SLCO3A1: variants seen among roughly 807,000 people sequenced by gnomAD.
SLCO3A1 encodes the protein solute carrier organic anion transporter family member 3A1.
A neutral mutation model predicts 63.1 loss-of-function variants in SLCO3A1; 27 were observed. That is an observed-to-expected ratio of 0.43 (90% CI 0.32 to 0.59). The LOEUF (loss-of-function observed/expected upper bound fraction) is 0.59. SLCO3A1 is among the 20% of genes least tolerant of loss of function. The probability of loss-of-function intolerance (pLI) is 0.09; values close to 1 mark genes in which losing one functional copy is unlikely to be tolerated. For missense variants in SLCO3A1, 773 were observed against 945.8 expected, an observed-to-expected ratio of 0.82 and a Z score of 2.40; for synonymous variants, 473 against 409.9, an observed-to-expected ratio of 1.15 and a Z score of -1.86.
intron 2 of SLCO3A1, among the ~76,000 whole-genome samples, chr15:91,944,675 C>T (rs1289555021): frequency 1.3e-5 from 2 of 152,174 alleles, no homozygotes; most frequent in Admixed American, 1.3e-4. Flanking sequence ...CCACTCTCCC[C>T]CGAGATGCTT....
At chr15:91,989,724 A>G (rs888850060) in intron 2 of SLCO3A1, among the ~76,000 whole-genome samples, 2 of 152,228 alleles carry the variant, frequency 1.3e-5, no homozygotes, top group African/African-American at 4.8e-5. Flanking sequence ...TTAGCTACTA[A>G]TAAAAAGCAA....
At chr15:91,935,027 C>T (rs1248428856) in intron 2 of SLCO3A1, among the ~76,000 whole-genome samples, 1 of 152,196 alleles carries the variant, frequency 6.6e-6, no homozygotes, top group Non-Finnish European at 1.5e-5. Flanking sequence ...CATCTTGGCT[C>T]ACTGCAACCT....
At chr15:92,111,084 G>A in intron 4 of SLCO3A1, among the ~76,000 whole-genome samples, 1 of 152,134 alleles carries the variant, frequency 6.6e-6, no homozygotes, top group Non-Finnish European at 1.5e-5. Flanking sequence ...CTTGGTCAGG[G>A]AGCACATTCA....
chr15:91,910,408 A>T (rs1318234712), intron 1 of SLCO3A1, among the ~76,000 whole-genome samples: 1 of 152,060 alleles, frequency 6.6e-6, no homozygotes, highest in Non-Finnish European at 1.5e-5. Flanking sequence ...TCTCTTAATC[A>T]TGGTTATGTT....
intron 2 of SLCO3A1, among the ~76,000 whole-genome samples, chr15:92,066,935 A>G (rs1157580385): frequency 6.6e-6 from 1 of 152,200 alleles, no homozygotes; most frequent in East Asian, 1.9e-4. Context: ...TCAAACCTGA[A>G]AGGACAGGCC....
chr15:92,112,506 T>C (rs1172329619), intron 4 of SLCO3A1, among the ~76,000 whole-genome samples: 1 of 152,098 alleles, frequency 6.6e-6, no homozygotes. Context: ...ATTCTGTGGG[T>C]AGAGAAGGGG....
In SLCO3A1 at chr15:91,894,591, G is replaced by T. The variant is rs1017456802; in HGVS notation, c.181-21402G>T. On this transcript the variant is annotated intron_variant, in intron 1 of 9. Transcript: ENST00000318445. This position sits in a 1 kb window ranked among gnomAD's most constrained non-coding sequence, Gnocchi z 4.8. ...GTCCCCAGCACTGTGTTGCCATGGA[G>T]TGGACAGTGGGGCTGAAGACCCGTG... 3.3e-5 allele frequency among the ~76,000 whole-genome samples: 5 copies of T among 152,214 alleles called. No homozygotes were observed. The highest frequency in any genetic ancestry group is 1.2e-4 in the African/African-American group (5 of 41,454).
At chr15:91,980,919 A>C (rs76719040) in intron 2 of SLCO3A1, among the ~76,000 whole-genome samples, 4,769 of 152,302 alleles carry the variant, frequency 0.031, 264 homozygotes, top group African/African-American at 0.11. Flanking sequence ...ACCATAATTC[A>C]TGTGCAGAAA....
intron 2 of SLCO3A1, among the ~76,000 whole-genome samples, chr15:92,016,469 G>C (rs1212273482): frequency 6.6e-6 from 1 of 152,102 alleles, no homozygotes; most frequent in Non-Finnish European, 1.5e-5. Flanking sequence ...AGGCTTTGAA[G>C]GCTAAAGGAA....
intron 2 of SLCO3A1, among the ~76,000 whole-genome samples, chr15:91,926,425 T>C (rs986864075): frequency 6.6e-6 from 1 of 152,104 alleles, no homozygotes; most frequent in Non-Finnish European, 1.5e-5. Flanking sequence ...CAATCCTGGC[T>C]CTTTTACTTG....
chr15:91,905,632 TG>T lies in SLCO3A1; in HGVS notation c.181-10360del, dbSNP rs200013021. Among the ~76,000 whole-genome samples, 1,484 of 151,028 alleles carry T rather than the reference TG, an allele frequency of 9.8e-3. 19 individuals carry two copies. The highest frequency in any genetic ancestry group is 0.033 in the African/African-American group (1,360 of 41,158). On this transcript the variant is annotated intron_variant, in intron 1 of 9. Coordinates refer to ENST00000318445, the MANE Select transcript of SLCO3A1 (RefSeq NM_013272.4). ...TGTTTTCAAGGGATGCTTAGTTTTT[TG>T]TTTTTTTTTTAAGTTACGTGGTCAA...
intron 2 of SLCO3A1, among the ~76,000 whole-genome samples, chr15:92,007,140 A>G (rs1207725181): frequency 2.0e-5 from 3 of 152,234 alleles, no homozygotes; most frequent in Admixed American, 1.3e-4. Context: ...ATTTAGGACA[A>G]TACCTTTATA....
intron 2 of SLCO3A1, among the ~76,000 whole-genome samples, chr15:92,024,005 G>A (rs2046540967): frequency 1.3e-5 from 2 of 152,116 alleles, no homozygotes; most frequent in Non-Finnish European, 2.9e-5. Flanking sequence ...TGAATCTGTT[G>A]GGCCATGTGG....
At chr15:92,157,141 G>C (rs1163041820) in intron 9 of SLCO3A1, 5 of 152,158 alleles carry the variant, frequency 3.3e-5, no homozygotes, top group Non-Finnish European at 5.9e-5. Flanking sequence ...CAACAGCATT[G>C]AGCCTGCACA....
At chr15:92,147,228 C>T (rs1159156099) in intron 8 of SLCO3A1, 69 bp downstream of exon 8, 9 of 1,469,588 alleles carry the variant, frequency 6.1e-6, no homozygotes, top group East Asian at 2.3e-5. Flanking sequence ...CTCCTAGGGA[C>T]CAGAGCTTCA....
At chr15:92,120,328 C>T in intron 4 of SLCO3A1, 137 bp from the exon 5 acceptor site, 1 of 876,942 alleles carries the variant, frequency 1.1e-6, no homozygotes, top group Non-Finnish European at 1.8e-6. Flanking sequence ...TTGGCCTTAG[C>T]AACTGGGTAC....
chr15:92,093,810 C>T (rs992465760), intron 2 of SLCO3A1, among the ~76,000 whole-genome samples: 1 of 152,010 alleles, frequency 6.6e-6, no homozygotes, highest in Non-Finnish European at 1.5e-5. Flanking sequence ...AGTTGGTCTA[C>T]GCCTATGAAC....
intron 1 of SLCO3A1, among the ~76,000 whole-genome samples, chr15:91,869,745 C>T (rs74643445): frequency 0.019 from 2,942 of 152,144 alleles, 98 homozygotes; most frequent in Admixed American, 0.069. Flanking sequence ...GACACCCCAG[C>T]CAGCCACAGG....
At chr15:91,930,635 C>G (rs893950334) in intron 2 of SLCO3A1, among the ~76,000 whole-genome samples, 1 of 152,154 alleles carries the variant, frequency 6.6e-6, no homozygotes, top group Non-Finnish European at 1.5e-5. Flanking sequence ...TGATAACTTA[C>G]GATGTGTCAG....
Sources: gnomAD v4.1 joint callset for allele counts (sites outside exome capture counted in the v4.1 genomes callset) on GRCh38, gnomAD v4.1.1 for gene constraint, Gnocchi (gnomAD v3.1) non-coding constraint, MANE v1.5 for transcripts, NCBI Gene and HGNC (gene_info 2026-07-23, HGNC 2026-07-21) for gene names.